Variants in POMT1 observed in about 807,000 individuals in gnomAD.
POMT1 encodes the protein protein O-mannosyltransferase 1.
In POMT1, 85 loss-of-function variants were observed where a neutral mutation model predicts 101.6. The observed-to-expected ratio is 0.84, with a 90% CI of 0.70 to 1.00. The LOEUF is 1.00. Among genes scored for constraint, POMT1 ranks in the 50% least tolerant of loss-of-function variants. The pLI, the probability that POMT1 is intolerant of heterozygous loss-of-function variation, is 0.00. For missense variants in POMT1, 857 were observed against 930.4 expected (o/e 0.92, Z 1.03); for synonymous variants, 371 against 383.0 (o/e 0.97, Z 0.37).
intron 6 of POMT1, among the ~76,000 whole-genome samples, 197 bp downstream of exon 6, chr9:131,509,219 C>G (rs573773299): frequency 1.6e-4 from 25 of 152,222 alleles, no homozygotes; most frequent in African/African-American, 5.8e-4. Flanking sequence ...GGCGCAATCT[C>G]GGCTCACTGC....
At position 131,518,447 on chromosome 9, in the gene POMT1, A is replaced by G. The variant is rs62620174; in HGVS notation, c.1275A>G (p.Glu425=). 3.5e-3 allele frequency: 5,602 copies of G among 1,612,890 alleles called. 164 individuals are homozygous for G. In the African/African-American group the frequency reaches 0.064, roughly 18 times the overall value. ...ATCCTTGAGATGTCTTTTTGCAGGA[A>G]ATTGTGAACAGAGGATCTGACACAG... ...SMPAQNLWRL[E]IVNRGSDTDV... The change falls in exon 14 of 20, where the codon GAA becomes GAG. Residue 425 remains glutamate, a splice_region_variant and synonymous_variant. Coordinates refer to ENST00000402686, the MANE Select transcript of POMT1 (RefSeq NM_001077365.2).
chr9:131,512,139 G>A lies in POMT1; in HGVS notation c.1082+3G>A, dbSNP rs1389236602. 6.2e-7 allele frequency: 1 copy of A among 1,613,732 alleles called. No individual in the cohort carries two copies. The highest frequency in any genetic ancestry group is 8.5e-7 in the Non-Finnish European group (1 of 1,179,930). The stretch of plus-strand genomic sequence containing the variant: ...TGGATTGTAAAGGATCCCAGGAGGT[G>A]AGTGCAGGTCCTGTGACTCCAGAGC... On this transcript the variant is annotated splice_donor_region_variant and intron_variant, in intron 11 of 19. Transcript: ENST00000402686.
Position 131,519,996 on chromosome 9 carries a change from C to T in POMT1, c.1585-84C>T. On this transcript the variant is annotated intron_variant, in intron 16 of 19. Transcript: ENST00000402686. This position sits in a 1 kb window ranked among gnomAD's most constrained non-coding sequence, Gnocchi z 4.3. ...GCTGGGCCAGTCCACGTGCAAGGGG[C>T]AGCAGTGTACTCCTTTGACCAAATC... 1 of 1,014,010 alleles carries T rather than the reference C, an allele frequency of 9.9e-7. No homozygotes were observed. Among genetic ancestry groups the T allele is most frequent in the Non-Finnish European group, 1.5e-6 (1 of 654,018 alleles). The allele number at this position is 1,014,010 out of a possible 1,614,324, so 62.8% of individuals were successfully genotyped here.
rs116630918 is a variant in POMT1 at position 131,518,244 on chromosome 9, C to T, written c.1273-201C>T. The T allele has an allele frequency of 1.1e-3, 748 of 694,294 alleles. 1 individual carries two copies. Among genetic ancestry groups the T allele is most frequent in the African/African-American group, 0.01 (573 of 56,888 alleles). 43.0% of individuals were successfully genotyped at this position (694,294 alleles called of 1,614,324 possible). A position where few individuals can be genotyped will look rare whatever the true frequency, so the allele number is the denominator to read the frequency against. On this transcript the variant is annotated intron_variant, in intron 13 of 19. Coordinates refer to ENST00000402686, the MANE Select transcript of POMT1 (RefSeq NM_001077365.2). ...TGGCGAGGAGGAGGGTGCACTTCCCCAGCGACCCTCGGAGCAGCCCGGGGT... is the reference window on the plus strand; with the variant it reads ...TGGCGAGGAGGAGGGTGCACTTCCCTAGCGACCCTCGGAGCAGCCCGGGGT...
intron 5 of POMT1, among the ~76,000 whole-genome samples, chr9:131,508,327 T>C (rs1463309030): frequency 4.0e-5 from 6 of 151,662 alleles, no homozygotes; most frequent in Non-Finnish European, 4.4e-5. Flanking sequence ...GGTCAAGAGA[T>C]CGAGACCATC....
Position 131,522,409 on chromosome 9 carries a change from A to G in POMT1, c.2003+185A>G. On this transcript the variant is annotated intron_variant, in intron 19 of 19. Coordinates refer to ENST00000402686, the MANE Select transcript of POMT1 (RefSeq NM_001077365.2). The surrounding 1 kb of genome is among the most constrained non-coding windows in gnomAD (Gnocchi z 5.5). Reference sequence around the variant, plus strand: ...CCCAGATGAGGCACTGCAGGAACCCAGAGGGAGAAGTCGCGGCTGACAGAG... The same window carrying G: ...CCCAGATGAGGCACTGCAGGAACCCGGAGGGAGAAGTCGCGGCTGACAGAG... 2 of 1,239,408 alleles carry G rather than the reference A, an allele frequency of 1.6e-6. No individual in the cohort carries two copies. Among genetic ancestry groups the G allele is most frequent in the South Asian group, 3.0e-5 (2 of 65,750 alleles). The allele number at this position is 1,239,408 out of a possible 1,614,324, so 76.8% of individuals were successfully genotyped here.
At chr9:131,511,826 G>T (rs574981709) in intron 10 of POMT1, 2 of 608,798 alleles carry the variant, frequency 3.3e-6, no homozygotes, top group Non-Finnish European at 5.8e-6. Flanking sequence ...GGAGAAAGGC[G>T]TGTGGGCCCG....
chr9:131,515,812 C>G (rs915449304), intron 13 of POMT1, among the ~76,000 whole-genome samples: 1 of 131,196 alleles, frequency 7.6e-6, no homozygotes, highest in Non-Finnish European at 1.7e-5. Context: ...TCACACGGAG[C>G]ACTTCCTCTA....
Position 131,518,488 on chromosome 9 carries a change from T to C in POMT1, c.1316T>C (p.Ile439Thr). The C allele has an allele frequency of 6.2e-7, 1 of 1,614,006 alleles. No homozygotes were observed. The highest frequency in any genetic ancestry group is 8.5e-7 in the Non-Finnish European group (1 of 1,180,014). ...RGSDTDVWKT[I>T]LSEVRFVHVN... ...TCTGACACAGACGTCTGGAAGACCA[T>C]CCTCTCAGAGGTCCGCTTTGTGCAC... Residue 439 changes from isoleucine (I) to threonine (T), a missense_variant, in exon 14 of 20, where the codon ATC becomes ACC. Transcript: ENST00000402686.
chr9:131,504,731 C>A (rs945297604), intron 2 of POMT1, among the ~76,000 whole-genome samples: 1 of 142,496 alleles, frequency 7.0e-6, no homozygotes, highest in African/African-American at 2.6e-5. Flanking sequence ...TTGAAGGGCT[C>A]TTTATTAACT....
chr9:131,515,876 A>G lies in POMT1; in HGVS notation c.1272+354A>G, dbSNP rs1409597478. On this transcript the variant is annotated intron_variant, in intron 13 of 19. Transcript: ENST00000402686. The stretch of plus-strand genomic sequence containing the variant: ...TTCCTCACAGGGAGCACTTTCTCTA[A>G]CACAGGACACTTCCTCACATGGAGC... Among the ~76,000 whole-genome samples, 4 of 14,894 alleles carry G rather than the reference A, an allele frequency of 2.7e-4. 1 individual carries two copies. The highest frequency in any genetic ancestry group is 4.1e-4 in the African/African-American group (4 of 9,718). 9.8% of individuals were successfully genotyped at this position (14,894 alleles called of 152,430 possible).
intron 14 of POMT1, 143 bp downstream of exon 14, chr9:131,518,680 G>A: frequency 2.1e-6 from 3 of 1,438,600 alleles, no homozygotes; most frequent in Non-Finnish European, 2.9e-6. Flanking sequence ...AGGGAGGGCG[G>A]CTTTTGTAAC....
Position 131,519,699 on chromosome 9 carries a change from G to A in POMT1, c.1584+213G>A, listed in dbSNP as rs553422875. Among the ~76,000 whole-genome samples the A allele has an allele frequency of 6.6e-6, 1 of 152,268 alleles. No individual in the cohort carries two copies. Among genetic ancestry groups the A allele is most frequent in the Admixed American group, 6.5e-5 (1 of 15,298 alleles). ...GTGGCCCTGTGGTCAGGAATAATAG[G>A]GACCCAGGAGGTTCTGCAACATCGC... is the stretch of plus-strand genomic sequence containing the variant. On this transcript the variant is annotated intron_variant, in intron 16 of 19. Coordinates refer to ENST00000402686, the MANE Select transcript of POMT1 (RefSeq NM_001077365.2). The surrounding 1 kb of genome is among the most constrained non-coding windows in gnomAD (Gnocchi z 4.3).
chr9:131,520,539 T>C (rs1171760612), intron 17 of POMT1, among the ~76,000 whole-genome samples: 1 of 152,212 alleles, frequency 6.6e-6, no homozygotes, highest in African/African-American at 2.4e-5. Flanking sequence ...GTGCCGTCTC[T>C]CCACCCGGCA....
At chr9:131,511,680 T>A in intron 10 of POMT1, 1 of 623,834 alleles carries the variant, frequency 1.6e-6, no homozygotes, top group Non-Finnish European at 2.8e-6. Context: ...GCCCCAGCTC[T>A]GTGGCTGTGG....
At position 131,519,559 on chromosome 9, in the gene POMT1, C is replaced by A; in HGVS notation, c.1584+73C>A. The A allele has an allele frequency of 7.1e-7, 1 of 1,413,856 alleles. No homozygotes were observed. The highest frequency in any genetic ancestry group is 9.7e-7 in the Non-Finnish European group (1 of 1,033,412). The allele number at this position is 1,413,856 out of a possible 1,614,324, so 87.6% of individuals were successfully genotyped here. On this transcript the variant is annotated intron_variant, in intron 16 of 19. Transcript: ENST00000402686. This position sits in a 1 kb window ranked among gnomAD's most constrained non-coding sequence, Gnocchi z 4.3. ...CCTCAGCAGGGAGGCCTGGGGGCTG[C>A]ACAGGACTCAAACCAGAGTCAGGCT...
rs757761868 is a variant in POMT1, at chr9:131,512,088, AC to A, written c.1038del (p.Phe347SerfsTer10). On this transcript the variant is annotated frameshift_variant, in exon 11 of 20. Transcript: ENST00000402686. LOFTEE classifies it high-confidence loss of function. ...GSSHQQQVTCYPFKDVNNWWI... is the reference protein window; with the variant it reads ...GSSHQQQVTCXPFKDVNNWWI... ...TCCCACCAGCAACAGGTGACCTGTT[AC>A]CCCTTCAAAGATGTCAATAACTGGT... 6.2e-7 allele frequency: 1 copy of A among 1,614,118 alleles called. No homozygotes were observed. The highest frequency in any genetic ancestry group is 1.7e-5 in the Admixed American group (1 of 60,022).
At chr9:131,506,836 A>T in intron 4 of POMT1, 1 of 309,224 alleles carries the variant, frequency 3.2e-6, no homozygotes, top group Non-Finnish European at 6.3e-6. Flanking sequence ...TGGGAGGCTG[A>T]GACGGGTGGA....
In POMT1 at chr9:131,518,919, G is replaced by C; in HGVS notation, c.1448G>C (p.Ser483Thr). The C allele has an allele frequency of 6.2e-7, 1 of 1,613,794 alleles. No homozygotes were observed. Among genetic ancestry groups the C allele is most frequent in the Admixed American group, 1.7e-5 (1 of 60,026 alleles). ...AAGCTGTCCCGGGGCTACCACGGGA[G>C]CACGGTGTGGAACGTGGAGGAGCAC... Reference protein sequence around the residue: ...GEKLSRGYHGSTVWNVEEHRY... With the variant: ...GEKLSRGYHGTTVWNVEEHRY... The change falls in exon 15 of 20, where the codon AGC becomes ACC. Residue 483 changes from serine to threonine, a missense_variant. Physicochemically the swap from Ser to Thr is moderately conservative, Grantham distance 58 (BLOSUM62 1). Coordinates refer to ENST00000402686, the MANE Select transcript of POMT1 (RefSeq NM_001077365.2).
Sources: allele counts gnomAD v4.1 joint callset (sites outside exome capture counted in the v4.1 genomes callset), GRCh38; gene constraint gnomAD v4.1.1; non-coding constraint Gnocchi (gnomAD v3.1); transcripts MANE v1.5; gene names NCBI Gene and HGNC (gene_info 2026-07-23, HGNC 2026-07-21).